Variants in LRP1B observed in about 807,000 individuals in gnomAD.
The protein encoded by LRP1B is low-density lipoprotein receptor-related protein 1B.
In LRP1B, 217 loss-of-function variants were observed where a neutral mutation model predicts 556.6. The observed-to-expected ratio is 0.39, with a 90% confidence interval of 0.35 to 0.44. The LOEUF is 0.44. LRP1B is among the 20% of genes least tolerant of loss of function. The pLI, the probability that LRP1B is intolerant of heterozygous loss-of-function variation, is 1.00. For synonymous variants in LRP1B, 2,047 were observed against 1,865.8 expected, an observed-to-expected ratio of 1.10 and a Z score of -2.50; for missense variants, 5,053 against 5,620.8, an observed-to-expected ratio of 0.90 and a Z score of 3.23.
chr2:141,192,218 C>T (rs1394091799), intron 6 of LRP1B, among the ~76,000 whole-genome samples: 1 of 151,852 alleles, frequency 6.6e-6, no homozygotes, highest in Non-Finnish European at 1.5e-5. Context: ...TAAGCCAATA[C>T]ATAAATGCAT....
At chr2:140,315,766 ACACT>A (rs1323017098) in intron 82 of LRP1B, among the ~76,000 whole-genome samples, 2 of 152,174 alleles carry the variant, frequency 1.3e-5, no homozygotes, top group African/African-American at 4.8e-5. Flanking sequence ...ACACATACAC[ACACT>A]ATTTGTTCTA....
At chr2:140,345,751 C>CATATATACATATATACACAT (rs1681625237) in intron 77 of LRP1B, among the ~76,000 whole-genome samples, 1 of 119,758 alleles carries the variant, frequency 8.4e-6, no homozygotes, top group Non-Finnish European at 1.8e-5. Flanking sequence ...TATATATACA[C>CATATATACATATATACACAT]ATATATACAT....
intron 1 of LRP1B, among the ~76,000 whole-genome samples, chr2:141,871,514 G>A (rs1447945262): frequency 3.3e-5 from 5 of 151,816 alleles, no homozygotes; most frequent in Non-Finnish European, 7.4e-5. Context: ...CATAATAAAT[G>A]CATCTACCAA....
At chr2:140,915,492 GAA>G (rs11324865) in intron 21 of LRP1B, among the ~76,000 whole-genome samples, 21 of 149,606 alleles carry the variant, frequency 1.4e-4, no homozygotes, top group South Asian at 1.1e-3. Context: ...CTACTAAAAA[GAA>G]AAAAAAAAAT....
intron 77 of LRP1B, among the ~76,000 whole-genome samples, chr2:140,341,391 A>G (rs919236681): frequency 6.6e-6 from 1 of 151,512 alleles, no homozygotes; most frequent in Non-Finnish European, 1.5e-5. Context: ...TAAAATTAAC[A>G]TTCTTCAGTC....
At chr2:142,044,051 ATATTT>A (rs566416373) in intron 1 of LRP1B, among the ~76,000 whole-genome samples, 6 of 151,710 alleles carry the variant, frequency 4.0e-5, no homozygotes, top group Non-Finnish European at 8.8e-5. Flanking sequence ...CTTCAATAAC[ATATTT>A]TATTTATGTC....
chr2:141,106,925 T>C (rs370988254), intron 7 of LRP1B, among the ~76,000 whole-genome samples: 1 of 152,192 alleles, frequency 6.6e-6, no homozygotes, highest in Non-Finnish European at 1.5e-5. Context: ...AATAATTTTA[T>C]CATTTTCAAG....
intron 2 of LRP1B, among the ~76,000 whole-genome samples, chr2:141,613,788 C>T (rs1688190939): frequency 6.6e-6 from 1 of 151,956 alleles, no homozygotes; most frequent in South Asian, 2.1e-4. Context: ...AAAATGTTTA[C>T]TTTGCCGGGT....
chr2:141,544,352 C>CTTCTTCTTCTTCTTCTT (rs1685446524), intron 2 of LRP1B, among the ~76,000 whole-genome samples: 5 of 89,572 alleles, frequency 5.6e-5, no homozygotes, highest in Non-Finnish European at 7.1e-5. Flanking sequence ...TCTTCTTCTT[C>CTTCTTCTTCTTCTTCTT]TTCTTCTTCT....
chr2:142,093,810 T>G (rs1706262535), intron 1 of LRP1B, among the ~76,000 whole-genome samples: 1 of 152,088 alleles, frequency 6.6e-6, no homozygotes, highest in Admixed American at 6.6e-5. Context: ...ACTTAGAGTG[T>G]GGGAAGAATT....
chr2:140,259,197 T>C lies in LRP1B; in HGVS notation c.13247+11045A>G, dbSNP rs564223087. Among the ~76,000 whole-genome samples the C allele has an allele frequency of 2.0e-5, 3 of 152,240 alleles. No individual in the cohort carries two copies. In the East Asian group the frequency reaches 5.8e-4, roughly 29 times the overall value. ...TCCTTGCCTCATCTTTTTCCTTAAA[T>C]AGACTCAGAGGCTTCAAAGGACGGG... is the stretch of plus-strand genomic sequence containing the variant. On this transcript the variant is annotated intron_variant, in intron 86 of 90. Coordinates refer to ENST00000389484, the MANE Select transcript of LRP1B (RefSeq NM_018557.3).
chr2:141,503,411 G>T (rs1231409052), intron 2 of LRP1B, among the ~76,000 whole-genome samples: 3 of 151,514 alleles, frequency 2.0e-5, no homozygotes, highest in African/African-American at 7.3e-5. Flanking sequence ...CCAACCGTTG[G>T]TGATATAAGA....
chr2:141,058,863 A>G lies in LRP1B; in HGVS notation c.1408+20T>C, dbSNP rs187047767. 79 of 1,564,324 alleles carry G rather than the reference A, an allele frequency of 5.1e-5. No homozygotes were observed. Among genetic ancestry groups the G allele is most frequent in the Admixed American group, 7.6e-5 (4 of 52,628 alleles). ...TTCAATCTACCATTAGGAAGGTAAT[A>G]AAGAAGCTTTCCCACTTACCTGTTG... On this transcript the variant is annotated intron_variant, in intron 9 of 90. Transcript: ENST00000389484.
At chr2:142,127,663 G>T (rs1045912378) in intron 1 of LRP1B, among the ~76,000 whole-genome samples, 1 of 151,878 alleles carries the variant, frequency 6.6e-6, no homozygotes, top group African/African-American at 2.4e-5. Flanking sequence ...GACATAAATC[G>T]CAGTTCATTC....
chr2:140,748,827 T>TAA (rs369730510), intron 35 of LRP1B, among the ~76,000 whole-genome samples: 6 of 80,018 alleles, frequency 7.5e-5, no homozygotes, highest in African/African-American at 1.5e-4. Flanking sequence ...ATAATATATA[T>TAA]CATATATTAT....
chr2:141,263,714 A>G (rs567761101), intron 3 of LRP1B, among the ~76,000 whole-genome samples: 13 of 152,318 alleles, frequency 8.5e-5, no homozygotes, highest in African/African-American at 3.1e-4. Context: ...AAAAATATAG[A>G]ACAACATTCC....
At chr2:140,800,949 T>A (rs1690487036) in intron 32 of LRP1B, among the ~76,000 whole-genome samples, 1 of 152,220 alleles carries the variant, frequency 6.6e-6, no homozygotes, top group Admixed American at 6.5e-5. Context: ...ACTTAAATTC[T>A]ACAATATATT....
chr2:141,907,216 T>C (rs906871028), intron 1 of LRP1B, among the ~76,000 whole-genome samples: 3 of 151,964 alleles, frequency 2.0e-5, no homozygotes, highest in Non-Finnish European at 2.9e-5. Flanking sequence ...TAAATTTCCA[T>C]GAATTTATGT....
At chr2:141,021,950 TA>T (rs1198884003) in intron 11 of LRP1B, among the ~76,000 whole-genome samples, 1 of 151,910 alleles carries the variant, frequency 6.6e-6, no homozygotes, top group African/African-American at 2.4e-5. Context: ...TTATCAGGAT[TA>T]AAAAATATTT....
Sources: gnomAD v4.1 joint callset for allele counts (sites outside exome capture counted in the v4.1 genomes callset) on GRCh38, gnomAD v4.1.1 for gene constraint, MANE v1.5 for transcripts, NCBI Gene and HGNC (gene_info 2026-07-23, HGNC 2026-07-21) for gene names.